The following ATP13A3 variants were observed in gnomAD, a reference collection of about 807,000 sequenced individuals.
The protein encoded by ATP13A3 is ATPase 13A3.
Under a neutral mutation model 158.1 loss-of-function variants are expected in ATP13A3, and 59 were observed. The ratio of observed to expected loss-of-function variants is 0.37; its 90% confidence interval spans 0.30 to 0.46. The LOEUF (loss-of-function observed/expected upper bound fraction) is 0.46, where lower values mean the gene tolerates loss of function less well. Ranked by LOEUF, ATP13A3 falls within the 20% of genes least tolerant of loss-of-function variation. The pLI, the probability that ATP13A3 is intolerant of heterozygous loss-of-function variation, is 1.00. For synonymous variants in ATP13A3, 491 were observed against 504.3 expected (o/e 0.97, Z 0.35); for missense variants, 1,166 against 1,525.2 (o/e 0.76, Z 3.92).
At chr3:194,483,682 G>C (rs2109073653) in intron 2 of ATP13A3, among the ~76,000 whole-genome samples, 1 of 152,280 alleles carries the variant, frequency 6.6e-6, no homozygotes. Flanking sequence ...CCAAAACCAA[G>C]GCTAAATCCC....
intron 15 of ATP13A3, 120 bp from the exon 16 acceptor site, chr3:194,441,581 T>G: frequency 3.5e-6 from 3 of 856,346 alleles, no homozygotes; most frequent in African/African-American, 1.7e-5. Context: ...TCTGAGCTCC[T>G]AAGAAAGAGA....
chr3:194,450,288 G>A lies in ATP13A3; in HGVS notation c.839-12C>T. The A allele has an allele frequency of 6.2e-7, 1 of 1,604,352 alleles. No individual in the cohort carries two copies. The highest frequency in any genetic ancestry group is 8.5e-7 in the Non-Finnish European group (1 of 1,173,128). On this transcript the variant is annotated splice_polypyrimidine_tract_variant and intron_variant, in intron 10 of 33. Transcript: ENST00000645319. ...GATTTCTTCTATTTCTGAAATTAAA[G>A]AAAGAAAGAAAAATCTGAAAAAGAT... is the stretch of plus-strand genomic sequence containing the variant.
chr3:194,426,954 G>T, intron 29 of ATP13A3, 121 bp downstream of exon 29: 1 of 1,036,252 alleles, frequency 9.7e-7, no homozygotes, highest in Non-Finnish European at 1.4e-6. Context: ...CAAAGTACTA[G>T]GACTACAGGT....
At chr3:194,443,914 T>C (rs1453112241) in intron 15 of ATP13A3, among the ~76,000 whole-genome samples, 2 of 151,968 alleles carry the variant, frequency 1.3e-5, no homozygotes, top group Admixed American at 6.6e-5. Flanking sequence ...AAAATGAGGA[T>C]ATAAACACAC....
At position 194,438,991 on chromosome 3, in the gene ATP13A3, CAAAA is replaced by C; in HGVS notation, c.1711-23_1711-20del. 1 of 1,364,238 alleles carries C rather than the reference CAAAA, an allele frequency of 7.3e-7. No individual in the cohort carries two copies. The highest frequency in any genetic ancestry group is 1.5e-5 in the African/African-American group (1 of 65,174). The allele number at this position is 1,364,238 out of a possible 1,614,324, so 84.5% of individuals were successfully genotyped here. A position where few individuals can be genotyped will look rare whatever the true frequency, so the allele number is the denominator to read the frequency against. On this transcript the variant is annotated intron_variant, in intron 16 of 33. Coordinates refer to ENST00000645319, the MANE Select transcript of ATP13A3 (RefSeq NM_001367549.1). ...CCAGAATCTGGAAAAAAAAAAGAGA[CAAAA>C]AAAAACAAAAACACAACATTCAAGC...
At chr3:194,442,085 C>G (rs756463623) in intron 15 of ATP13A3, among the ~76,000 whole-genome samples, 31 of 152,276 alleles carry the variant, frequency 2.0e-4, no homozygotes, top group Non-Finnish European at 3.4e-4. Flanking sequence ...CCAGGTTACA[C>G]CGTCCATAAG....
intron 6 of ATP13A3, 138 bp downstream of exon 6, chr3:194,459,333 G>A (rs1719470912): frequency 3.0e-6 from 2 of 661,960 alleles, no homozygotes; most frequent in Admixed American, 3.0e-5. Flanking sequence ...ACAGCAACAG[G>A]GAGTTGTTAA....
At chr3:194,427,958 C>T (rs1030969684) in intron 28 of ATP13A3, among the ~76,000 whole-genome samples, 11 of 152,060 alleles carry the variant, frequency 7.2e-5, no homozygotes, top group African/African-American at 2.7e-4. Flanking sequence ...CACTGGCTCA[C>T]GCCTGTAATC....
rs1197882681 is a variant in ATP13A3 at position 194,404,199 on chromosome 3, A to C, written c.*1720T>G. ...GGTCTAAGATGCATAGCTTCATAGA[A>C]TCATTCATGGAACAACTGTTATCAT... On this transcript the variant is annotated 3_prime_UTR_variant, in exon 34 of 34. Coordinates refer to ENST00000645319, the MANE Select transcript of ATP13A3 (RefSeq NM_001367549.1). The C allele has an allele frequency of 2.3e-6, 1 of 426,212 alleles. No individual in the cohort carries two copies. The highest frequency in any genetic ancestry group is 4.6e-6 in the Non-Finnish European group (1 of 217,348). 26.4% of individuals were successfully genotyped at this position (426,212 alleles called of 1,614,324 possible). A position where few individuals can be genotyped will look rare whatever the true frequency, so the allele number is the denominator to read the frequency against.
At chr3:194,424,433 C>T (rs1716612364) in intron 30 of ATP13A3, 1 of 151,960 alleles carries the variant, frequency 6.6e-6, no homozygotes, top group East Asian at 1.9e-4. Context: ...AAAACTTGCC[C>T]TACAAACCAA....
upstream of ATP13A3, among the ~76,000 whole-genome samples, chr3:194,491,192 C>T (rs928835101): frequency 1.3e-5 from 2 of 152,116 alleles, no homozygotes; most frequent in South Asian, 4.1e-4. Context: ...TCCTCAGAGT[C>T]CCTTGGCCAT....
At chr3:194,447,194 CTG>C in intron 13 of ATP13A3, 79 bp from the exon 14 acceptor site, 1 of 1,219,368 alleles carries the variant, frequency 8.2e-7, no homozygotes, top group Non-Finnish European at 1.2e-6. Context: ...TAGTGAAAAT[CTG>C]TAAGCCATTT....
intron 30 of ATP13A3, among the ~76,000 whole-genome samples, chr3:194,421,842 T>C (rs1342291979): frequency 6.7e-6 from 1 of 150,026 alleles, no homozygotes; most frequent in Admixed American, 6.7e-5. Flanking sequence ...AGAAATTCAA[T>C]GAAGTAATAA....
chr3:194,415,242 A>T (rs1203153777), intron 31 of ATP13A3, among the ~76,000 whole-genome samples: 1 of 152,190 alleles, frequency 6.6e-6, no homozygotes, highest in Non-Finnish European at 1.5e-5. Flanking sequence ...AGAAAAGTCC[A>T]TTGGACTTAA....
At chr3:194,481,126 G>A (rs968600024) in intron 2 of ATP13A3, among the ~76,000 whole-genome samples, 4 of 151,656 alleles carry the variant, frequency 2.6e-5, no homozygotes, top group African/African-American at 9.7e-5. Flanking sequence ...ACTTTATTCA[G>A]CTCTTTAGAT....
intron 2 of ATP13A3, among the ~76,000 whole-genome samples, chr3:194,483,090 G>A (rs1259373119): frequency 2.8e-5 from 4 of 145,408 alleles, no homozygotes; most frequent in Non-Finnish European, 5.9e-5. Context: ...CAGGATGACA[G>A]TACAAGACTC....
intron 2 of ATP13A3, among the ~76,000 whole-genome samples, chr3:194,479,438 T>C (rs1174350316): frequency 1.3e-5 from 2 of 151,804 alleles, no homozygotes; most frequent in Non-Finnish European, 2.9e-5. Flanking sequence ...TTAGGAAAAT[T>C]AGAAACATAA....
At chr3:194,459,125 T>C (rs772961990) in intron 6 of ATP13A3, 4 of 201,850 alleles carry the variant, frequency 2.0e-5, no homozygotes, top group South Asian at 2.0e-4. Context: ...TAAGTGTCAG[T>C]AAACCAACAG....
chr3:194,471,969 A>G (rs1208126599), intron 2 of ATP13A3: 6 of 152,954 alleles, frequency 3.9e-5, no homozygotes. Flanking sequence ...GAGAATGTAA[A>G]GGCCAAGATT....
Sources: gnomAD v4.1 joint callset for allele counts (sites outside exome capture counted in the v4.1 genomes callset) on GRCh38, gnomAD v4.1.1 for gene constraint, MANE v1.5 for transcripts, NCBI Gene and HGNC (gene_info 2026-07-23, HGNC 2026-07-21) for gene names.